Variants in LARP6 observed in about 807,000 individuals in gnomAD.
The protein encoded by LARP6 is la-related protein 6.
Under a neutral mutation model 32.8 loss-of-function variants are expected in LARP6, and 18 were observed. The ratio of observed to expected loss-of-function variants is 0.55; its 90% CI spans 0.38 to 0.81. The LOEUF is 0.81. LARP6 is among the 40% of genes least tolerant of loss of function. The probability of loss-of-function intolerance (pLI) is 0.00; values close to 1 mark genes in which losing one functional copy is unlikely to be tolerated. For missense variants in LARP6, 598 were observed against 663.1 expected (o/e 0.90, Z 1.08); for synonymous variants, 289 against 267.2 (o/e 1.08, Z -0.80).
chr15:70,853,952 G>T lies in LARP6; in HGVS notation c.137C>A (p.Pro46Gln). 1 of 1,450,568 alleles carries T rather than the reference G, an allele frequency of 6.9e-7. No individual in the cohort carries two copies. The allele number at this position is 1,450,568 out of a possible 1,614,324, so 89.9% of individuals were successfully genotyped here. Reference sequence around the variant, plus strand: ...CCAGCCGGGGCTGAGGTACCGGGCCGGGTCCCCGGCGCCCCGAGTCTCCGC... The same window carrying T: ...CCAGCCGGGGCTGAGGTACCGGGCCTGGTCCCCGGCGCCCCGAGTCTCCGC... ...EGAETRGAGD[P>Q]ARYLSPGWGS... The change falls in exon 1 of 3, where the codon CCG becomes CAG. Residue 46 changes from proline to glutamine, a missense_variant. By Grantham distance (76) the Pro-to-Gln change is moderately conservative. Around this residue, in one of 3 missense-constraint regions of LARP6, gnomAD observed 161 missense variants for 148.6 expected, o/e 1.08. Coordinates refer to ENST00000299213, the MANE Select transcript of LARP6 (RefSeq NM_018357.4).
intron 1 of LARP6, among the ~76,000 whole-genome samples, chr15:70,837,955 C>A (rs2032178471): frequency 1.3e-5 from 2 of 152,258 alleles, no homozygotes; most frequent in South Asian, 2.1e-4. Flanking sequence ...AAGGATGGGA[C>A]CCGAGTCTAA....
At chr15:70,849,043 T>C (rs1364502572) in intron 1 of LARP6, 1 of 152,076 alleles carries the variant, frequency 6.6e-6, no homozygotes, top group East Asian at 1.9e-4. Context: ...ATTGGAATTA[T>C]TGATATAAGT....
Position 70,832,166 on chromosome 15 carries a change from G to A in LARP6, c.1362C>T (p.Leu454=), listed in dbSNP as rs150824038. The A allele has an allele frequency of 0.016, 25,456 of 1,613,650 alleles. 309 individuals carry two copies. The highest frequency in any genetic ancestry group is 0.017 in the Non-Finnish European group (20,219 of 1,179,772). Reference sequence around the variant, plus strand: ...CATCTGCAGTCTGCATCTTCCGGGAGAGCAGGGGACTCGTACCGGGGCTTT... The same window carrying A: ...CATCTGCAGTCTGCATCTTCCGGGAAAGCAGGGGACTCGTACCGGGGCTTT... ...QEKSPGTSPL[L]SRKMQTADGL... The change falls in exon 3 of 3, where the codon CTC becomes CTT. Residue 454 remains leucine (L), a synonymous_variant. Coordinates refer to ENST00000299213, the MANE Select transcript of LARP6 (RefSeq NM_018357.4).
rs1182440546 is a variant in LARP6 at position 70,829,478 on chromosome 15, G to A, written c.*2574C>T. On this transcript the variant is annotated 3_prime_UTR_variant, in exon 3 of 3. Transcript: ENST00000299213. ...TAAAAGCTCTTTAGGTGACTCTAAT[G>A]TGAGGCCAGGGTTAAGAATTGCAGC... is the stretch of plus-strand genomic sequence containing the variant. The A allele has an allele frequency of 6.6e-6, 1 of 152,328 alleles. No individual in the cohort carries two copies. Among genetic ancestry groups the A allele is most frequent in the African/African-American group, 2.4e-5 (1 of 41,444 alleles). 9.4% of individuals were successfully genotyped at this position (152,328 alleles called of 1,614,324 possible). A position where few individuals can be genotyped will look rare whatever the true frequency, so the allele number is the denominator to read the frequency against.
rs768731269 is a variant in LARP6 at position 70,832,397 on chromosome 15, C to G, written c.1131G>C (p.Pro377=). 12 of 1,605,416 alleles carry G rather than the reference C, an allele frequency of 7.5e-6. No homozygotes were observed. In the East Asian group the frequency reaches 2.7e-4, roughly 36 times the overall value. The change falls in exon 3 of 3, where the codon CCG becomes CCC. Residue 377 remains proline, a synonymous_variant. Coordinates refer to ENST00000299213, the MANE Select transcript of LARP6 (RefSeq NM_018357.4). ...QNLFLSPNAS[P]CTSPWSSPLA... ...AGGGGCTGCTCCAAGGACTTGTGCA[C>G]GGGGAGGCATTTGGACTCAGAAAGA...
At chr15:70,851,633 C>T in intron 1 of LARP6, 4 of 1,612,630 alleles carry the variant, frequency 2.5e-6, no homozygotes, top group Non-Finnish European at 3.4e-6. Context: ...AGTCAACAAA[C>T]ATGTCCTATG....
chr15:70,852,379 G>C, intron 1 of LARP6: 1 of 427,314 alleles, frequency 2.3e-6, no homozygotes, highest in South Asian at 1.7e-5. Flanking sequence ...TACCCATACT[G>C]AGGCTTGGTT....
intron 1 of LARP6, chr15:70,851,655 G>A (rs762478488): frequency 1.2e-6 from 2 of 1,613,988 alleles, no homozygotes; most frequent in Admixed American, 1.7e-5. Flanking sequence ...GCTGGGTGCT[G>A]TGCTAGGTGC....
In LARP6 at chr15:70,839,819, C is replaced by T. The variant is rs573361622; in HGVS notation, c.201-3314G>A. ...GCCACTAACACTTAAGTGAAAATCT[C>T]TTGGCCCTGTCCCTTCCCCTTTTGT... On this transcript the variant is annotated intron_variant, in intron 1 of 2. Transcript: ENST00000299213. 4.6e-5 allele frequency among the ~76,000 whole-genome samples: 7 copies of T among 152,330 alleles called. No homozygotes were observed. In the South Asian group the frequency reaches 1.4e-3, roughly 32 times the overall value.
At chr15:70,849,771 G>A (rs1297250965) in intron 1 of LARP6, 1 of 152,174 alleles carries the variant, frequency 6.6e-6, no homozygotes, top group East Asian at 1.9e-4. Flanking sequence ...GAGAGGAAGA[G>A]TATAAGCTTG....
intron 1 of LARP6, among the ~76,000 whole-genome samples, chr15:70,840,910 C>CT (rs1412961641): frequency 1.6e-5 from 2 of 124,214 alleles, no homozygotes; most frequent in Non-Finnish European, 3.6e-5. Context: ...TCTCTTTTCT[C>CT]TCTTTTTTTT....
chr15:70,844,720 A>C lies in LARP6; in HGVS notation c.201-8215T>G, dbSNP rs373830889. Among the ~76,000 whole-genome samples the C allele has an allele frequency of 4.7e-4, 72 of 152,224 alleles. 2 individuals are homozygous for C. In the South Asian group the frequency reaches 0.012, roughly 25 times the overall value. The stretch of plus-strand genomic sequence containing the variant: ...GAGATTTCTTTGACATTATATTCTA[A>C]CCTTTCCTACAGAATTTTTAAATTT... On this transcript the variant is annotated intron_variant, in intron 1 of 2. Coordinates refer to ENST00000299213, the MANE Select transcript of LARP6 (RefSeq NM_018357.4).
chr15:70,833,266 C>T (rs1723244261), intron 2 of LARP6, 150 bp from the exon 3 acceptor site: 3 of 637,660 alleles, frequency 4.7e-6, no homozygotes, highest in South Asian at 3.9e-5. Context: ...TGTGTAAACA[C>T]TCAAAAATCT....
intron 1 of LARP6, among the ~76,000 whole-genome samples, chr15:70,847,710 T>C (rs1028669803): frequency 4.6e-5 from 7 of 152,164 alleles, no homozygotes; most frequent in African/African-American, 1.7e-4. Context: ...CATCCAAGGC[T>C]ACTTTTTTCA....
At chr15:70,850,274 A>G (rs1450346112) in intron 1 of LARP6, among the ~76,000 whole-genome samples, 1 of 152,232 alleles carries the variant, frequency 6.6e-6, no homozygotes, top group African/African-American at 2.4e-5. Flanking sequence ...GAATTCTACT[A>G]AACATTTAAA....
In LARP6 at chr15:70,836,371, T is replaced by G; in HGVS notation, c.335A>C (p.Asp112Ala). ...FYFSDENLEKDAFLLKHVRRN... is the reference protein window; with the variant it reads ...FYFSDENLEKAAFLLKHVRRN... ...CCTCACGTGTTTTAGCAAAAAGGCG[T>G]CCTTCTCCAGGTTTTCATCAGAAAA... Residue 112 changes from aspartate to alanine, a missense_variant, in exon 2 of 3, where the codon GAC becomes GCC. Coordinates refer to ENST00000299213, the MANE Select transcript of LARP6 (RefSeq NM_018357.4). The G allele has an allele frequency of 6.2e-7, 1 of 1,614,174 alleles. No homozygotes were observed. The highest frequency in any genetic ancestry group is 8.5e-7 in the Non-Finnish European group (1 of 1,180,022).
chr15:70,844,902 C>A (rs1010892693), intron 1 of LARP6, among the ~76,000 whole-genome samples: 1 of 152,200 alleles, frequency 6.6e-6, no homozygotes, highest in African/African-American at 2.4e-5. Flanking sequence ...TCAACATCAT[C>A]ACCTCTGTAT....
At chr15:70,842,659 G>A (rs1212567155) in intron 1 of LARP6, among the ~76,000 whole-genome samples, 1 of 152,246 alleles carries the variant, frequency 6.6e-6, no homozygotes, top group Middle Eastern at 3.4e-3. Context: ...CATTCTATCT[G>A]GGAAGCTGAC....
chr15:70,840,724 G>A (rs2032238562), intron 1 of LARP6, among the ~76,000 whole-genome samples: 1 of 152,098 alleles, frequency 6.6e-6, no homozygotes, highest in South Asian at 2.1e-4. Flanking sequence ...TTGGCAAATG[G>A]TCTAACTTAC....
Sources: gnomAD v4.1 joint callset for allele counts (sites outside exome capture counted in the v4.1 genomes callset) on GRCh38, gnomAD v4.1.1 for gene constraint, gnomAD v4.1.1 regional missense constraint, MANE v1.5 for transcripts, NCBI Gene and HGNC (gene_info 2026-07-23, HGNC 2026-07-21) for gene names.